Variants in DMXL2 observed in about 807,000 individuals in gnomAD.
The protein encoded by DMXL2 is dmX-like protein 2.
Under a neutral mutation model 331.1 loss-of-function variants are expected in DMXL2, and 103 were observed. That is an observed-to-expected ratio of 0.31 (90% confidence interval 0.27 to 0.37). The LOEUF (loss-of-function observed/expected upper bound fraction) is 0.37, where lower values mean the gene tolerates loss of function less well. Among genes scored for constraint, DMXL2 ranks in the 10% least tolerant of loss-of-function variants. The pLI, the probability that DMXL2 is intolerant of heterozygous loss-of-function variation, is 1.00. For synonymous variants in DMXL2, 1,281 were observed against 1,252.1 expected (o/e 1.02, Z -0.49); for missense variants, 3,171 against 3,642.9 (o/e 0.87, Z 3.33).
chr15:51,579,192 G>A (rs1171603115), intron 1 of DMXL2, among the ~76,000 whole-genome samples: 2 of 152,132 alleles, frequency 1.3e-5, no homozygotes, highest in Non-Finnish European at 2.9e-5. Context: ...CCATCAAAAT[G>A]GAACAACTTA....
At chr15:51,514,371 T>TG (rs1427645297) in intron 15 of DMXL2, 71 bp downstream of exon 15, 1 of 873,148 alleles carries the variant, frequency 1.1e-6, no homozygotes, top group Non-Finnish European at 1.8e-6. Context: ...TGAAGATCCA[T>TG]ACTCAGTGAA....
intron 1 of DMXL2, among the ~76,000 whole-genome samples, chr15:51,592,605 C>G (rs2052464717): frequency 6.6e-6 from 1 of 152,144 alleles, no homozygotes; most frequent in Admixed American, 6.5e-5. Flanking sequence ...AACTCCAAGA[C>G]ACATAATTGT....
chr15:51,578,623 A>T (rs2051204245), intron 1 of DMXL2, among the ~76,000 whole-genome samples: 1 of 152,224 alleles, frequency 6.6e-6, no homozygotes, highest in Non-Finnish European at 1.5e-5. Flanking sequence ...TCTTAAGTAC[A>T]ATATACCTTT....
At chr15:51,477,629 A>G (rs2041692518) in intron 26 of DMXL2, among the ~76,000 whole-genome samples, 1 of 152,118 alleles carries the variant, frequency 6.6e-6, no homozygotes, top group African/African-American at 2.4e-5. Flanking sequence ...ATGTGAATCT[A>G]CTATTATAAA....
At chr15:51,450,763 G>A in intron 42 of DMXL2, 1 of 166,996 alleles carries the variant, frequency 6.0e-6, no homozygotes, top group Middle Eastern at 2.9e-3. Flanking sequence ...AATGTTTTCA[G>A]TTACAAGTTA....
intron 8 of DMXL2, among the ~76,000 whole-genome samples, chr15:51,543,218 A>G (rs1400726762): frequency 6.6e-6 from 1 of 152,176 alleles, no homozygotes; most frequent in Non-Finnish European, 1.5e-5. Context: ...CCCACCTCAC[A>G]GTAATTCCTT....
intron 6 of DMXL2, among the ~76,000 whole-genome samples, chr15:51,556,755 G>A (rs1421733381): frequency 1.3e-5 from 2 of 151,896 alleles, no homozygotes; most frequent in East Asian, 1.9e-4. Context: ...CTGGGTGACA[G>A]AGCGAGATTC....
At chr15:51,470,718 C>G (rs561848179) in intron 29 of DMXL2, among the ~76,000 whole-genome samples, 8 of 152,250 alleles carry the variant, frequency 5.3e-5, no homozygotes, top group African/African-American at 1.9e-4. Context: ...TTAGCATGCA[C>G]CCAGCATGGT....
rs192648915 is a variant in DMXL2, at chr15:51,528,971, G to A, written c.2436+6692C>T. ...TAACAAGGAATTTTGGAAACTATAC[G>A]AACATATGGAAATTAAACAATATGC... On this transcript the variant is annotated intron_variant, in intron 13 of 43. Transcript: ENST00000560891. 1.4e-3 allele frequency among the ~76,000 whole-genome samples: 210 copies of A among 152,080 alleles called. 2 individuals are homozygous for A. The highest frequency in any genetic ancestry group is 4.8e-3 in the African/African-American group (199 of 41,518).
At chr15:51,458,202 T>A (rs1316139859) in intron 36 of DMXL2, 1 of 224,790 alleles carries the variant, frequency 4.4e-6, no homozygotes, top group Non-Finnish European at 9.0e-6. Context: ...CTCAGTGTAA[T>A]TAACATATTT....
rs992661976 is a variant in DMXL2 at position 51,448,978 on chromosome 15, C to A, written c.*6G>T. Reference sequence around the variant, plus strand: ...TGAAATGTATATAAAAATAAAACCCCAATCTTTATAGAATGTCAAGAATTC... The same window carrying A: ...TGAAATGTATATAAAAATAAAACCCAAATCTTTATAGAATGTCAAGAATTC... On this transcript the variant is annotated 3_prime_UTR_variant, in exon 44 of 44. Transcript: ENST00000560891. The A allele has an allele frequency of 1.2e-6, 2 of 1,613,668 alleles. No individual in the cohort carries two copies. Among genetic ancestry groups the A allele is most frequent in the African/African-American group, 1.3e-5 (1 of 74,978 alleles).
At chr15:51,567,536 G>A (rs2050373542) in intron 3 of DMXL2, 1 of 152,196 alleles carries the variant, frequency 6.6e-6, no homozygotes, top group Admixed American at 6.5e-5. Context: ...AGGTATTAGT[G>A]AGCAAAGACC....
chr15:51,501,124 C>G (rs2043563863), intron 17 of DMXL2, among the ~76,000 whole-genome samples: 1 of 152,124 alleles, frequency 6.6e-6, no homozygotes, highest in African/African-American at 2.4e-5. Flanking sequence ...GAAAGATTAA[C>G]AAACTGGCCT....
chr15:51,596,191 C>T (rs1335575586), intron 1 of DMXL2, among the ~76,000 whole-genome samples: 1 of 152,126 alleles, frequency 6.6e-6, no homozygotes, highest in Admixed American at 6.5e-5. Context: ...GGCTAATATC[C>T]AGAATCTACA....
chr15:51,557,119 GATTATATA>G (rs1016897480), intron 6 of DMXL2, among the ~76,000 whole-genome samples: 1 of 152,178 alleles, frequency 6.6e-6, no homozygotes, highest in African/African-American at 2.4e-5. Flanking sequence ...ATTATTCATA[GATTATATA>G]ATTGTGTACA....
rs1299361941 is a variant in DMXL2, at chr15:51,566,233, GTGTGTGT to G, written c.286-1074_286-1068del. ...TATCTAAAAAAAATGTGTGTGTGGG[GTGTGTGT>G]GTGTGTGTGTGTGTGTGTGTGTGTG... On this transcript the variant is annotated intron_variant, in intron 3 of 43. Transcript: ENST00000560891. Among the ~76,000 whole-genome samples the G allele has an allele frequency of 3.4e-3, 49 of 14,596 alleles. 1 individual carries two copies. The South Asian group carries it at 0.039, about 12-fold the overall frequency. 9.6% of individuals were successfully genotyped at this position (14,596 alleles called of 152,430 possible).
chr15:51,622,677 T>C lies in DMXL2; in HGVS notation c.-132A>G. The C allele has an allele frequency of 7.0e-7, 1 of 1,423,836 alleles. No individual in the cohort carries two copies. The highest frequency in any genetic ancestry group is 9.2e-7 in the Non-Finnish European group (1 of 1,083,392). 88.2% of individuals were successfully genotyped at this position (1,423,836 alleles called of 1,614,324 possible). A position where few individuals can be genotyped will look rare whatever the true frequency, so the allele number is the denominator to read the frequency against. On this transcript the variant is annotated 5_prime_UTR_variant, in exon 1 of 44. Transcript: ENST00000560891. ...CGCCCCGCGGAGGCTCTGGCTTAAC[T>C]CCTCGCCCCCCTTTCGCCTTCCCTC...
At position 51,481,498 on chromosome 15, in the gene DMXL2, C is replaced by G. The variant is rs1285904743; in HGVS notation, c.5608G>C (p.Glu1870Gln). ...GTLATLGLKT[E>Q]KNFVDKINLI... is the part of the protein sequence containing the mutation. ...TTAATTTTATCAACAAAGTTCTTCTCAGTTTTGAGACCTAAGGTTGCCAAA... is the reference window on the plus strand; with the variant it reads ...TTAATTTTATCAACAAAGTTCTTCTGAGTTTTGAGACCTAAGGTTGCCAAA... Residue 1870 changes from glutamate (E) to glutamine (Q), a missense_variant, in exon 24 of 44, where the codon GAG becomes CAG. Glu to Gln is a conservative substitution (Grantham distance 29). Coordinates refer to ENST00000560891, the MANE Select transcript of DMXL2 (RefSeq NM_001378457.1). 3.1e-6 allele frequency: 5 copies of G among 1,613,504 alleles called. No homozygotes were observed. Among genetic ancestry groups the G allele is most frequent in the Non-Finnish European group, 4.2e-6 (5 of 1,179,898 alleles).
chr15:51,532,196 CA>C (rs922284711), intron 13 of DMXL2, among the ~76,000 whole-genome samples: 45 of 142,496 alleles, frequency 3.2e-4, no homozygotes, highest in Middle Eastern at 3.6e-3. Context: ...ACTACTTGGC[CA>C]AAAAAAAAAA....
Sources: allele counts gnomAD v4.1 joint callset (sites outside exome capture counted in the v4.1 genomes callset), GRCh38; gene constraint gnomAD v4.1.1; transcripts MANE v1.5; gene names NCBI Gene and HGNC (gene_info 2026-07-23, HGNC 2026-07-21).